FAM135B: variants seen among roughly 807,000 people sequenced by gnomAD.
FAM135B encodes protein FAM135B.
FAM135B carries 43 observed loss-of-function variants against 127.7 expected under a neutral mutation model. The observed-to-expected ratio is 0.34, with a 90% CI of 0.26 to 0.43. The LOEUF is 0.43. Among genes scored for constraint, FAM135B ranks in the 20% least tolerant of loss-of-function variants. The pLI is 1.00. For missense variants in FAM135B, 1,558 were observed against 1,725.6 expected (o/e 0.90, Z 1.72); for synonymous variants, 670 against 665.1 (o/e 1.01, Z -0.11).
In FAM135B at chr8:138,247,656, C is replaced by T. The variant is rs918399187; in HGVS notation, c.542+3185G>A. On this transcript the variant is annotated intron_variant, in intron 6 of 19. Transcript: ENST00000395297. ...CTAATACACTTGCTCTCTGCCCTTT[C>T]GGTTGGCATAAACACTTTGCATCAC... Among the ~76,000 whole-genome samples, 5 of 152,156 alleles carry T rather than the reference C, an allele frequency of 3.3e-5. No individual in the cohort carries two copies. The East Asian group carries it at 7.7e-4, about 24-fold the overall frequency.
chr8:138,218,161 T>G (rs902325979), intron 7 of FAM135B, among the ~76,000 whole-genome samples: 1 of 152,214 alleles, frequency 6.6e-6, no homozygotes, highest in African/African-American at 2.4e-5. Flanking sequence ...ATGGAATCCA[T>G]GTAGATGCAG....
At chr8:138,216,440 T>C (rs1307287322) in intron 7 of FAM135B, among the ~76,000 whole-genome samples, 3 of 152,066 alleles carry the variant, frequency 2.0e-5, no homozygotes, top group African/African-American at 7.2e-5. Context: ...CTTCAGCCTG[T>C]AGTGAAGACA....
At chr8:138,220,126 G>A (rs914049978) in intron 7 of FAM135B, among the ~76,000 whole-genome samples, 1 of 150,188 alleles carries the variant, frequency 6.7e-6, no homozygotes, top group African/African-American at 2.4e-5. Flanking sequence ...GCAGAGAGCA[G>A]AGCATAAGCA....
intron 6 of FAM135B, among the ~76,000 whole-genome samples, chr8:138,248,919 G>C (rs1020353699): frequency 1.3e-5 from 2 of 152,016 alleles, no homozygotes; most frequent in African/African-American, 4.8e-5. Context: ...AGAAAAGTTA[G>C]GTGACTTATC....
At position 138,212,041 on chromosome 8, in the gene FAM135B, C is replaced by T. The variant is rs562461407; in HGVS notation, c.670-14372G>A. Among the ~76,000 whole-genome samples the T allele has an allele frequency of 5.7e-3, 872 of 152,186 alleles. 4 individuals carry two copies. The highest frequency in any genetic ancestry group is 0.024 in the Middle Eastern group (7 of 294). On this transcript the variant is annotated intron_variant, in intron 7 of 19. Transcript: ENST00000395297. ...TGAGATGGAGCCACTGCACTCCACC[C>T]TTGGTGACAGAAAGACATTGTCTCA...
intron 1 of FAM135B, among the ~76,000 whole-genome samples, chr8:138,435,942 G>T (rs186627567): frequency 2.6e-5 from 4 of 152,220 alleles, no homozygotes; most frequent in African/African-American, 4.8e-5. Context: ...AAACCACCTT[G>T]TTCTCCTTGT....
chr8:138,254,081 T>G (rs1189464269), intron 5 of FAM135B, among the ~76,000 whole-genome samples: 1 of 152,216 alleles, frequency 6.6e-6, no homozygotes, highest in Non-Finnish European at 1.5e-5. Context: ...AAGAAGACAT[T>G]TATTCATCAG....
intron 1 of FAM135B, among the ~76,000 whole-genome samples, chr8:138,383,503 T>C (rs1247685938): frequency 6.6e-6 from 1 of 152,232 alleles, no homozygotes; most frequent in Non-Finnish European, 1.5e-5. Flanking sequence ...TTATTTCTAT[T>C]CATAATTTAT....
intron 4 of FAM135B, among the ~76,000 whole-genome samples, chr8:138,260,156 T>C (rs571757916): frequency 6.6e-6 from 1 of 152,332 alleles, no homozygotes; most frequent in South Asian, 2.1e-4. Flanking sequence ...CCACAAACTG[T>C]GTTTGCTTTA....
chr8:138,133,898 C>A (rs1816408410), intron 19 of FAM135B, among the ~76,000 whole-genome samples: 1 of 151,976 alleles, frequency 6.6e-6, no homozygotes, highest in Admixed American at 6.6e-5. Context: ...TTCTTAGGGT[C>A]TTGGTAGGAG....
intron 1 of FAM135B, among the ~76,000 whole-genome samples, chr8:138,442,277 T>TATATATATATATATATATATATATA (rs3084268): frequency 7.5e-6 from 1 of 134,226 alleles, no homozygotes; most frequent in African/African-American, 2.8e-5. Flanking sequence ...TATATATATA[T>TATATATATATATATATATATATATA]GAAAAACCTT....
intron 1 of FAM135B, among the ~76,000 whole-genome samples, chr8:138,457,414 C>A (rs1258229332): frequency 6.6e-6 from 1 of 152,068 alleles, no homozygotes; most frequent in Non-Finnish European, 1.5e-5. Flanking sequence ...TCAATATCAC[C>A]CCAGATGGTT....
At chr8:138,391,277 G>C (rs796127701) in intron 1 of FAM135B, among the ~76,000 whole-genome samples, 22 of 152,130 alleles carry the variant, frequency 1.4e-4, no homozygotes, top group African/African-American at 5.3e-4. Flanking sequence ...CCAGTGGGGG[G>C]CGTTATTCCC....
intron 1 of FAM135B, among the ~76,000 whole-genome samples, chr8:138,458,209 A>G (rs1009670855): frequency 1.3e-5 from 2 of 152,180 alleles, no homozygotes; most frequent in Non-Finnish European, 2.9e-5. Context: ...ATACTTACAT[A>G]TTTCCATACT....
intron 1 of FAM135B, among the ~76,000 whole-genome samples, chr8:138,425,218 A>C (rs544726010): frequency 6.6e-6 from 1 of 152,350 alleles, no homozygotes; most frequent in South Asian, 2.1e-4. Context: ...ACATGGATAC[A>C]TTTGATCCTT....
chr8:138,355,078 T>C (rs1005250016), intron 2 of FAM135B, among the ~76,000 whole-genome samples: 1 of 152,054 alleles, frequency 6.6e-6, no homozygotes, highest in African/African-American at 2.4e-5. Flanking sequence ...TTCTCATTGT[T>C]CAATTTCCAC....
At chr8:138,367,860 A>C (rs564921724) in intron 2 of FAM135B, 47 bp downstream of exon 2, 2 of 1,239,800 alleles carry the variant, frequency 1.6e-6, no homozygotes, top group Admixed American at 1.9e-5. Context: ...AGAAACAAAC[A>C]ACACACACAC....
At chr8:138,140,666 C>T (rs1423351297) in intron 17 of FAM135B, among the ~76,000 whole-genome samples, 1 of 151,930 alleles carries the variant, frequency 6.6e-6, no homozygotes. Context: ...TGCACATATG[C>T]ACCTACACAC....
At chr8:138,440,921 A>G (rs971512962) in intron 1 of FAM135B, 4 of 152,040 alleles carry the variant, frequency 2.6e-5, no homozygotes, top group African/African-American at 7.2e-5. Context: ...CTACTTTGCT[A>G]TTTTGGAGTG....
Sources: gnomAD v4.1 joint callset for allele counts (sites outside exome capture counted in the v4.1 genomes callset) on GRCh38, gnomAD v4.1.1 for gene constraint, MANE v1.5 for transcripts, NCBI Gene and HGNC (gene_info 2026-07-23, HGNC 2026-07-21) for gene names.